ARL17A: variants seen among roughly 807,000 people sequenced by gnomAD.
The protein encoded by ARL17A is ADP-ribosylation factor-like 17-like.
At chr17:46,545,066 G>T (rs1423011405) in intron 3 of ARL17A, among the ~76,000 whole-genome samples, 1 of 137,036 alleles carries the variant, frequency 7.3e-6, no homozygotes, top group Non-Finnish European at 1.6e-5. Context: ...TATCCTTCCT[G>T]CCTCGTAACC....
chr17:46,569,028 C>T (rs1227542378), intron 3 of ARL17A, among the ~76,000 whole-genome samples: 4 of 134,220 alleles, frequency 3.0e-5, no homozygotes, highest in African/African-American at 5.9e-5. Flanking sequence ...CTGCAACCTC[C>T]GCCTCCTGGG....
Position 46,521,209 on chromosome 17 carries a change from T to A in ARL17A, c.260-3976A>T, listed in dbSNP as rs71206455. Reference sequence around the variant, plus strand: ...AAGATACTATGTTCATTGCTATGAATGCTTGATTCTTACCCTTTGTCCATA... The same window carrying A: ...AAGATACTATGTTCATTGCTATGAAAGCTTGATTCTTACCCTTTGTCCATA... On this transcript the variant is annotated intron_variant, in intron 3 of 4. Transcript: ENST00000445552. 1.8e-4 allele frequency among the ~76,000 whole-genome samples: 11 copies of A among 61,018 alleles called. 3 individuals carry two copies. The highest frequency in any genetic ancestry group is 6.0e-4 in the African/African-American group (11 of 18,310). 40.0% of individuals were successfully genotyped at this position (61,018 alleles called of 152,430 possible). A position where few individuals can be genotyped will look rare whatever the true frequency, so the allele number is the denominator to read the frequency against.
chr17:46,516,931 C>CACTG (rs2051455824), exon 5 of ARL17A: 1 of 303,210 alleles, frequency 3.3e-6, no homozygotes, highest in South Asian at 5.3e-5. Context: ...CAACAGAGGG[C>CACTG]ACTGGGCCAA....
At chr17:46,519,703 GTC>G (rs1416513558) in intron 3 of ARL17A, among the ~76,000 whole-genome samples, 1 of 143,122 alleles carries the variant, frequency 7.0e-6, no homozygotes, top group African/African-American at 2.7e-5. Flanking sequence ...GTGAGACCCT[GTC>G]TCAAAAATTA....
At chr17:46,541,584 A>G (rs1439377223) in intron 3 of ARL17A, among the ~76,000 whole-genome samples, 1 of 151,026 alleles carries the variant, frequency 6.6e-6, no homozygotes, top group East Asian at 1.9e-4. Context: ...AGATTATGCT[A>G]CCATCCATGT....
At chr17:46,548,841 G>A (rs202061223), downstream of ARL17A, 270 of 1,612,296 alleles carry the variant, frequency 1.7e-4, 3 homozygotes, top group Non-Finnish European at 2.1e-4. Flanking sequence ...TCTACACCAA[G>A]CCTTCCTTCA....
intron 3 of ARL17A, chr17:46,560,460 A>G (rs1348521388): frequency 4.8e-5 from 1 of 20,972 alleles, no homozygotes; most frequent in East Asian, 6.6e-4. Flanking sequence ...AGGTTAGTGA[A>G]ATTTCTCTAG....
downstream of ARL17A, among the ~76,000 whole-genome samples, chr17:46,551,042 T>C (rs2056749262): frequency 6.7e-6 from 1 of 149,964 alleles, no homozygotes; most frequent in South Asian, 2.1e-4. Flanking sequence ...TAGCCATCTT[T>C]TACAAAAATT....
chr17:46,503,049 A>G, the ARL17A span, among the ~76,000 whole-genome samples: 1 of 150,668 alleles, frequency 6.6e-6, no homozygotes, highest in African/African-American at 2.5e-5. Flanking sequence ...CATCTCTACT[A>G]AAAATACAGA....
At chr17:46,569,522 T>C (rs1436488828) in intron 3 of ARL17A, among the ~76,000 whole-genome samples, 1 of 137,214 alleles carries the variant, frequency 7.3e-6, no homozygotes, top group Non-Finnish European at 1.5e-5. Context: ...GATTTTCCAC[T>C]AAAAAAGTTA....
intron 3 of ARL17A, among the ~76,000 whole-genome samples, chr17:46,541,342 CCCAGGTTCAAGTGGTTCTCCTG>C (rs1250260420): frequency 1.3e-5 from 2 of 149,546 alleles, no homozygotes; most frequent in Non-Finnish European, 2.9e-5. Flanking sequence ...ACCTCCACCT[CCCAGGTTCAAGTGGTTCTCCTG>C]CCTCAGCCTT....
Position 46,543,685 on chromosome 17 carries a change from C to T in ARL17A, c.260-5259G>A, listed in dbSNP as rs1185001091. ...TGTATAGACATACACACACGGAAAG[C>T]TAATGTGGCAAAGTATTAGCAACTA... On this transcript the variant is annotated intron_variant, in intron 3 of 4. Coordinates refer to the ARL17A transcript ENST00000329240. 4.0e-5 allele frequency among the ~76,000 whole-genome samples: 6 copies of T among 150,856 alleles called. 2 individuals are homozygous for T. Among genetic ancestry groups the T allele is most frequent in the African/African-American group, 1.5e-4 (6 of 40,174 alleles).
chr17:46,550,403 T>G (rs377287461), downstream of ARL17A: 421 of 721,586 alleles, frequency 5.8e-4, 43 homozygotes, highest in African/African-American at 3.8e-3. Context: ...TTTTGTGTGT[T>G]TTTTTTTTTA....
At chr17:46,575,124 T>A (rs1236029356) in intron 2 of ARL17A, among the ~76,000 whole-genome samples, 1 of 103,826 alleles carries the variant, frequency 9.6e-6, no homozygotes, top group African/African-American at 3.1e-5. Context: ...AAGTTGATCA[T>A]TTGAGTCCTG....
chr17:46,526,099 C>A (rs2052721406), downstream of ARL17A, among the ~76,000 whole-genome samples: 1 of 101,244 alleles, frequency 9.9e-6, no homozygotes, highest in South Asian at 4.9e-4. Context: ...CAGAATAGAG[C>A]TGTACCCTTC....
At chr17:46,502,103 G>A in the ARL17A span, among the ~76,000 whole-genome samples, 9 of 151,254 alleles carry the variant, frequency 6.0e-5, no homozygotes, top group East Asian at 1.9e-4. Flanking sequence ...TTTTTAGTGC[G>A]CTTTGGACCT....
downstream of ARL17A, among the ~76,000 whole-genome samples, chr17:46,516,039 G>C (rs1431344606): frequency 3.0e-5 from 4 of 132,642 alleles, no homozygotes; most frequent in African/African-American, 6.1e-5. Flanking sequence ...GGTGGCTCAC[G>C]CCTGTAATCC....
intron 3 of ARL17A, among the ~76,000 whole-genome samples, chr17:46,544,904 T>C (rs1339202247): frequency 1.4e-5 from 2 of 138,842 alleles, no homozygotes; most frequent in Admixed American, 1.4e-4. Flanking sequence ...ATCTAAAACA[T>C]GCCTCTACTT....
downstream of ARL17A, among the ~76,000 whole-genome samples, chr17:46,550,733 G>C (rs886654509): frequency 2.3e-5 from 3 of 130,124 alleles, no homozygotes; most frequent in African/African-American, 9.4e-5. Flanking sequence ...TCTGTGAATT[G>C]AAACCATGTG....
Sources: allele counts gnomAD v4.1 joint callset (sites outside exome capture counted in the v4.1 genomes callset), GRCh38; gene constraint gnomAD v4.1.1; transcripts MANE v1.5; gene names NCBI Gene and HGNC (gene_info 2026-07-23, HGNC 2026-07-21).